PPARGC1B: variants seen among roughly 807,000 people sequenced by gnomAD.
The protein encoded by PPARGC1B is PPARG coactivator 1 beta.
Under a neutral mutation model 101.6 loss-of-function variants are expected in PPARGC1B, and 34 were observed. That is an observed-to-expected ratio of 0.33 (90% CI 0.25 to 0.45). PPARGC1B has a LOEUF of 0.45. Among genes scored for constraint, PPARGC1B ranks in the 20% least tolerant of loss-of-function variants. PPARGC1B has a pLI of 1.00. For missense variants in PPARGC1B, 1,234 were observed against 1,317.6 expected (o/e 0.94, Z 0.98); for synonymous variants, 548 against 539.3 (o/e 1.02, Z -0.22).
chr5:149,734,914 G>A (rs1754643528), intron 1 of PPARGC1B, among the ~76,000 whole-genome samples: 1 of 152,166 alleles, frequency 6.6e-6, no homozygotes, highest in East Asian at 1.9e-4. Context: ...GGCCCATTTT[G>A]CAATTGGTAT....
At chr5:149,817,557 C>T (rs1221422039) in intron 1 of PPARGC1B, 1 of 352,480 alleles carries the variant, frequency 2.8e-6, no homozygotes, top group Non-Finnish European at 5.6e-6. Context: ...GTTTCTCCTT[C>T]ATAGCACTAA....
rs1418453950 is a variant in PPARGC1B at position 149,730,802 on chromosome 5, T to C, written c.78+382T>C. Reference sequence around the variant, plus strand: ...CGCGCCGTCAGCGCCCGGCACTTGCTGCCGTACTTTCACGTGGACTTGTGG... The same window carrying C: ...CGCGCCGTCAGCGCCCGGCACTTGCCGCCGTACTTTCACGTGGACTTGTGG... On this transcript the variant is annotated intron_variant, in intron 1 of 11. Transcript: ENST00000309241. This position sits in a 1 kb window ranked among gnomAD's most constrained non-coding sequence, Gnocchi z 4.0. Among the ~76,000 whole-genome samples, 1 of 152,222 alleles carries C rather than the reference T, an allele frequency of 6.6e-6. No homozygotes were observed. The highest frequency in any genetic ancestry group is 1.5e-5 in the Non-Finnish European group (1 of 68,028).
chr5:149,807,019 G>C (rs938225356), intron 1 of PPARGC1B, among the ~76,000 whole-genome samples: 3 of 151,364 alleles, frequency 2.0e-5, no homozygotes, highest in African/African-American at 7.3e-5. Context: ...TAGTGCAGTG[G>C]TACCATCACA....
At position 149,832,745 on chromosome 5, in the gene PPARGC1B, G is replaced by C; in HGVS notation, c.672G>C (p.Gln224His). ...TACATAAGCACCTCACCTCGGCACA[G>C]TGCTGCCTGCAGGATCGGGGTCTGC... ...TELHKHLTSA[Q>H]CCLQDRGLQP... Residue 224 changes from glutamine (Q) to histidine (H), a missense_variant, in exon 5 of 12, where the codon CAG (glutamine) becomes CAC (histidine). Gln to His is a conservative substitution (Grantham distance 24, BLOSUM62 0). Coordinates refer to ENST00000309241, the MANE Select transcript of PPARGC1B (RefSeq NM_133263.4). The surrounding 1 kb of genome is among the most constrained non-coding windows in gnomAD (Gnocchi z 4.9). 1 of 1,612,030 alleles carries C rather than the reference G, an allele frequency of 6.2e-7. No homozygotes were observed. Among genetic ancestry groups the C allele is most frequent in the Non-Finnish European group, 8.5e-7 (1 of 1,178,686 alleles).
chr5:149,752,514 AAC>A (rs1166333239), intron 1 of PPARGC1B, among the ~76,000 whole-genome samples: 1 of 152,254 alleles, frequency 6.6e-6, no homozygotes, highest in Admixed American at 6.5e-5. Flanking sequence ...TTGCAAATGT[AAC>A]ACAGACCCTG....
At position 149,833,692 on chromosome 5, in the gene PPARGC1B, C is replaced by T. The variant is rs765997964; in HGVS notation, c.1619C>T (p.Pro540Leu). ...SGQDQQLLRG[P>L]QIPALESPCE... ...CAAGACCAGCAGCTCCTACGGGGAC[C>T]CCAGATCCCTGCCCTGGAGAGCCCC... The change falls in exon 5 of 12, where the codon CCC (proline) becomes CTC (leucine). Residue 540 changes from proline to leucine, a missense_variant. Physicochemically the swap from Pro to Leu is moderately conservative, Grantham distance 98. This residue lies in a region of PPARGC1B where 734 missense variants were observed against 768.4 expected (regional missense o/e 0.96). Coordinates refer to ENST00000309241, the MANE Select transcript of PPARGC1B (RefSeq NM_133263.4). The surrounding 1 kb of genome is among the most constrained non-coding windows in gnomAD (Gnocchi z 4.1). The T allele has an allele frequency of 1.9e-6, 3 of 1,608,270 alleles. No homozygotes were observed. The highest frequency in any genetic ancestry group is 1.3e-5 in the African/African-American group (1 of 74,848).
chr5:149,771,852 C>T, intron 1 of PPARGC1B: 4 of 455,928 alleles, frequency 8.8e-6, no homozygotes, highest in South Asian at 3.3e-5. Context: ...TTCAGGTGTC[C>T]AGGAAGTAAA....
intron 2 of PPARGC1B, among the ~76,000 whole-genome samples, chr5:149,823,752 T>G (rs1322540325): frequency 6.6e-6 from 1 of 152,130 alleles, no homozygotes; most frequent in Non-Finnish European, 1.5e-5. Context: ...CTGCCCCACC[T>G]GGCTGTTTCA....
intron 1 of PPARGC1B, among the ~76,000 whole-genome samples, chr5:149,764,492 A>G (rs918633425): frequency 3.3e-5 from 5 of 152,228 alleles, no homozygotes; most frequent in African/African-American, 1.2e-4. Flanking sequence ...TGAAGGTGCC[A>G]GACCCAAGTA....
chr5:149,842,999 C>A (rs945631532), intron 10 of PPARGC1B, among the ~76,000 whole-genome samples: 12 of 152,310 alleles, frequency 7.9e-5, no homozygotes, highest in Admixed American at 7.2e-4. Flanking sequence ...GAAACCCCGT[C>A]TCTACTGAAA....
At position 149,847,600 on chromosome 5, in the gene PPARGC1B, A is replaced by G. The variant is rs575113237; in HGVS notation, c.*42A>G. On this transcript the variant is annotated 3_prime_UTR_variant, in exon 12 of 12. Transcript: ENST00000309241. ...CGAGGAATACCTCAATACCTCAGACAAGGCCCTTCCAATATGTTTACGTTT... is the reference window on the plus strand; with the variant it reads ...CGAGGAATACCTCAATACCTCAGACGAGGCCCTTCCAATATGTTTACGTTT... The G allele has an allele frequency of 1.7e-4, 237 of 1,427,796 alleles. 1 individual carries two copies. The South Asian group carries it at 2.6e-3, about 16-fold the overall frequency. The allele number at this position is 1,427,796 out of a possible 1,614,324, so 88.4% of individuals were successfully genotyped here. A position where few individuals can be genotyped will look rare whatever the true frequency, so the allele number is the denominator to read the frequency against.
At chr5:149,746,945 T>A (rs1561849860) in intron 1 of PPARGC1B, among the ~76,000 whole-genome samples, 3 of 152,152 alleles carry the variant, frequency 2.0e-5, no homozygotes, top group Admixed American at 1.3e-4. Context: ...TAAAATTGGG[T>A]TGTTTGTTTT....
intron 1 of PPARGC1B, among the ~76,000 whole-genome samples, chr5:149,787,605 G>A (rs1561539346): frequency 6.6e-6 from 1 of 152,214 alleles, no homozygotes; most frequent in African/African-American, 2.4e-5. Flanking sequence ...AGGTTGTGGG[G>A]CCAGCTCTTA....
intron 1 of PPARGC1B, among the ~76,000 whole-genome samples, chr5:149,797,160 T>C (rs1338222036): frequency 1.3e-5 from 2 of 152,160 alleles, no homozygotes; most frequent in Non-Finnish European, 2.9e-5. Flanking sequence ...TAGGTGGAGC[T>C]TCCAGCCCTG....
intron 1 of PPARGC1B, among the ~76,000 whole-genome samples, chr5:149,812,955 C>T (rs908833741): frequency 5.3e-5 from 8 of 152,170 alleles, no homozygotes; most frequent in Non-Finnish European, 1.2e-4. Flanking sequence ...AGAGAAGGAA[C>T]AAAACATTTA....
At chr5:149,759,303 T>C (rs1581020969) in intron 1 of PPARGC1B, among the ~76,000 whole-genome samples, 1 of 152,208 alleles carries the variant, frequency 6.6e-6, no homozygotes, top group Non-Finnish European at 1.5e-5. Context: ...TTCTCTCTTC[T>C]TGAGAGCCAG....
At chr5:149,771,569 G>A (rs565792098) in intron 1 of PPARGC1B, among the ~76,000 whole-genome samples, 4 of 152,204 alleles carry the variant, frequency 2.6e-5, no homozygotes, top group South Asian at 4.1e-4. Flanking sequence ...ACTGGGTATC[G>A]TCTTGGACCT....
chr5:149,845,675 G>A lies in PPARGC1B; in HGVS notation c.2817-85G>A, dbSNP rs973302579. 32 of 1,413,606 alleles carry A rather than the reference G, an allele frequency of 2.3e-5. No individual in the cohort carries two copies. In the African/African-American group the frequency reaches 4.0e-4, roughly 18 times the overall value. The allele number at this position is 1,413,606 out of a possible 1,614,324, so 87.6% of individuals were successfully genotyped here. On this transcript the variant is annotated intron_variant, in intron 10 of 11. Coordinates refer to ENST00000309241, the MANE Select transcript of PPARGC1B (RefSeq NM_133263.4). ...ATGTGGGTATCGAATCACTGTGGCAGTCGGTTCCTCATCTAGTAATGGGTG... is the reference window on the plus strand; with the variant it reads ...ATGTGGGTATCGAATCACTGTGGCAATCGGTTCCTCATCTAGTAATGGGTG...
At chr5:149,731,807 C>A (rs1282702696) in intron 1 of PPARGC1B, among the ~76,000 whole-genome samples, 1 of 152,174 alleles carries the variant, frequency 6.6e-6, no homozygotes, top group Admixed American at 6.5e-5. Context: ...GCAGCGACTT[C>A]GGGCTGGCGG....
Sources: allele counts gnomAD v4.1 joint callset (sites outside exome capture counted in the v4.1 genomes callset), GRCh38; gene constraint gnomAD v4.1.1; regional missense constraint gnomAD v4.1.1; non-coding constraint Gnocchi (gnomAD v3.1); transcripts MANE v1.5; gene names NCBI Gene and HGNC (gene_info 2026-07-23, HGNC 2026-07-21).